Variants in LMO7 observed in about 807,000 individuals in gnomAD.
The protein encoded by LMO7 is LIM domain 7, also known as LIM domain only protein 7.
Under a neutral mutation model 206.5 loss-of-function variants are expected in LMO7, and 120 were observed. That is an observed-to-expected ratio of 0.58 (90% confidence interval 0.50 to 0.68). The LOEUF (loss-of-function observed/expected upper bound fraction) is 0.68. Among genes scored for constraint, LMO7 ranks in the 30% least tolerant of loss-of-function variants. The probability of loss-of-function intolerance (pLI) is 0.00; values close to 1 mark genes in which losing one functional copy is unlikely to be tolerated. For missense variants in LMO7, 1,959 were observed against 1,957.9 expected (o/e 1.00, Z -0.01); for synonymous variants, 706 against 681.5 (o/e 1.04, Z -0.56).
At position 75,807,918 on chromosome 13, in the gene LMO7, A is replaced by G. The variant is rs1039682418; in HGVS notation, c.1635A>G (p.Glu545=). Residue 545 remains glutamate, a synonymous_variant, in exon 10 of 31, where the codon GAA becomes GAG. Coordinates refer to ENST00000377534, the MANE Select transcript of LMO7 (RefSeq NM_001306080.2). ...GATACCACCCAGTCCCTTTTCCCGA[A>G]CCCTGGACTCTTCCTCCAGAAATTC... is the stretch of plus-strand genomic sequence containing the variant. ...PDRYHPVPFP[E]PWTLPPEIQA... 2.5e-6 allele frequency: 4 copies of G among 1,613,730 alleles called. No homozygotes were observed. The highest frequency in any genetic ancestry group is 1.6e-4 in the Middle Eastern group (1 of 6,084).
chr13:75,729,587 ACTTCCTC>A lies in LMO7; in HGVS notation c.210+2490_210+2496del, dbSNP rs1255433337. Among the ~76,000 whole-genome samples the A allele has an allele frequency of 1.2e-4, 18 of 150,368 alleles. No homozygotes were observed. In the East Asian group the frequency reaches 3.5e-3, roughly 29 times the overall value. Reference sequence around the variant, plus strand: ...GTCATCTGCAAACAGGGACAATTTGACTTCCTCTTTTCCTAATTGAATACCCTTTATT... The same window carrying A: ...GTCATCTGCAAACAGGGACAATTTGATTTTCCTAATTGAATACCCTTTATT... On this transcript the variant is annotated intron_variant, in intron 3 of 30. Coordinates refer to ENST00000377534, the MANE Select transcript of LMO7 (RefSeq NM_001306080.2).
At chr13:75,690,036 A>T (rs2041332341) in intron 1 of LMO7, among the ~76,000 whole-genome samples, 1 of 151,840 alleles carries the variant, frequency 6.6e-6, no homozygotes, top group Admixed American at 6.6e-5. Context: ...CTTTCCGACT[A>T]AAGAGCCAGG....
At chr13:75,651,271 T>C (rs2139136706) in intron 1 of LMO7, among the ~76,000 whole-genome samples, 1 of 152,166 alleles carries the variant, frequency 6.6e-6, no homozygotes, top group Non-Finnish European at 1.5e-5. Context: ...CCAAGTTATT[T>C]AAAATTCATG....
intron 1 of LMO7, among the ~76,000 whole-genome samples, chr13:75,669,040 T>C (rs901011530): frequency 1.3e-5 from 2 of 152,154 alleles, no homozygotes; most frequent in Non-Finnish European, 2.9e-5. Context: ...TTGGCCTGAA[T>C]TTATAACCCT....
intron 27 of LMO7, among the ~76,000 whole-genome samples, chr13:75,852,111 A>C (rs1022093781): frequency 6.6e-6 from 1 of 152,226 alleles, no homozygotes; most frequent in Non-Finnish European, 1.5e-5. Context: ...ACTGTTGAAG[A>C]TTTAAAGGAT....
chr13:75,712,639 C>T (rs1268968010), intron 1 of LMO7, among the ~76,000 whole-genome samples: 2 of 152,188 alleles, frequency 1.3e-5, no homozygotes, highest in Non-Finnish European at 1.5e-5. Context: ...TAATAGTCTT[C>T]TCCCCAGGAT....
chr13:75,684,074 C>T (rs2040773989), intron 1 of LMO7, among the ~76,000 whole-genome samples: 1 of 152,182 alleles, frequency 6.6e-6, no homozygotes, highest in African/African-American at 2.4e-5. Flanking sequence ...TGACCCCCAC[C>T]TCCACTTCCC....
At chr13:75,823,391 C>T (rs1213361444) in intron 14 of LMO7, among the ~76,000 whole-genome samples, 174 bp from the exon 15 acceptor site, 2 of 152,202 alleles carry the variant, frequency 1.3e-5, no homozygotes, top group Non-Finnish European at 1.5e-5. Flanking sequence ...AATTTTCCCT[C>T]ACTACGTGTT....
chr13:75,808,285 G>A (rs1005505279), intron 10 of LMO7, 86 bp downstream of exon 10: 50 of 1,396,922 alleles, frequency 3.6e-5, no homozygotes, highest in Non-Finnish European at 4.5e-5. Context: ...TCATCGTGTT[G>A]CTCAACTCTG....
chr13:75,776,129 A>ATT (rs1332916362), intron 4 of LMO7, among the ~76,000 whole-genome samples: 4 of 63,936 alleles, frequency 6.3e-5, no homozygotes, highest in Non-Finnish European at 1.1e-4. Flanking sequence ...ATACATACAT[A>ATT]TATATATATA....
At chr13:75,801,962 CTCT>C (rs2140947132) in intron 7 of LMO7, among the ~76,000 whole-genome samples, 1 of 44,986 alleles carries the variant, frequency 2.2e-5, no homozygotes, top group East Asian at 5.2e-3. Flanking sequence ...TCTCTCTCCT[CTCT>C]CTCTCTTTCT....
intron 4 of LMO7, among the ~76,000 whole-genome samples, chr13:75,788,080 TA>T (rs1270978043): frequency 1.3e-5 from 2 of 152,192 alleles, no homozygotes; most frequent in East Asian, 3.8e-4. Flanking sequence ...TTTTGATTCC[TA>T]GGTTTTGAAG....
chr13:75,836,727 T>G (rs1406869559), intron 19 of LMO7, among the ~76,000 whole-genome samples: 1 of 152,192 alleles, frequency 6.6e-6, no homozygotes, highest in African/African-American at 2.4e-5. Flanking sequence ...GAAAGACTGG[T>G]TCTTCCTGAG....
intron 2 of LMO7, among the ~76,000 whole-genome samples, chr13:75,720,280 C>CTTGTCT (rs2043908005): frequency 6.6e-6 from 1 of 152,084 alleles, no homozygotes; most frequent in Non-Finnish European, 1.5e-5. Flanking sequence ...CAGTCTGTGG[C>CTTGTCT]TTGTCTTTTT....
At chr13:75,646,575 CTTTTTT>C (rs72416416) in intron 1 of LMO7, among the ~76,000 whole-genome samples, 4 of 139,570 alleles carry the variant, frequency 2.9e-5, no homozygotes, top group African/African-American at 1.1e-4. Context: ...GTAGAGAGAA[CTTTTTT>C]TTTTTTTTTT....
At chr13:75,666,914 T>G (rs1299315564) in intron 1 of LMO7, among the ~76,000 whole-genome samples, 1 of 152,152 alleles carries the variant, frequency 6.6e-6, no homozygotes, top group Non-Finnish European at 1.5e-5. Context: ...TGCTACTTGT[T>G]GGGAGAGATG....
At chr13:75,761,122 TC>T in intron 4 of LMO7, 84 bp downstream of exon 4, 1 of 856,834 alleles carries the variant, frequency 1.2e-6, no homozygotes, top group South Asian at 2.0e-5. Context: ...TGCTGAGAGT[TC>T]ATGATTACAG....
chr13:75,676,175 A>G (rs2040000552), intron 1 of LMO7, among the ~76,000 whole-genome samples: 2 of 152,182 alleles, frequency 1.3e-5, no homozygotes, highest in Admixed American at 6.5e-5. Context: ...ATTGCTCTAC[A>G]TAAGAGTTAC....
intron 11 of LMO7, among the ~76,000 whole-genome samples, chr13:75,809,828 ATTTTTT>A (rs35825600): frequency 8.2e-6 from 1 of 122,650 alleles, no homozygotes; most frequent in Non-Finnish European, 1.7e-5. Flanking sequence ...CAAAAACTAC[ATTTTTT>A]TTTTTTTTTT....
Sources: allele counts gnomAD v4.1 joint callset (sites outside exome capture counted in the v4.1 genomes callset), GRCh38; gene constraint gnomAD v4.1.1; transcripts MANE v1.5; gene names NCBI Gene and HGNC (gene_info 2026-07-23, HGNC 2026-07-21).